LRRFIP1: variants seen among roughly 807,000 people sequenced by gnomAD.
The protein encoded by LRRFIP1 is LRR binding FLII interacting protein 1, also known as leucine-rich repeat flightless-interacting protein 1.
A neutral mutation model predicts 104.4 loss-of-function variants in LRRFIP1; 62 were observed. The ratio of observed to expected loss-of-function variants is 0.59; its 90% CI spans 0.48 to 0.73. LRRFIP1 has a LOEUF of 0.73. Among genes scored for constraint, LRRFIP1 ranks in the 30% least tolerant of loss-of-function variants. The pLI, the probability that LRRFIP1 is intolerant of heterozygous loss-of-function variation, is 0.00. For synonymous variants in LRRFIP1, 300 were observed against 299.0 expected, an observed-to-expected ratio of 1.00 and a Z score of -0.03; for missense variants, 796 against 824.5, an observed-to-expected ratio of 0.97 and a Z score of 0.42.
rs562241408 is a variant in LRRFIP1 at position 237,773,263 on chromosome 2, C to T, written c.1707+318C>T. On this transcript the variant is annotated intron_variant, in intron 22 of 23. Coordinates refer to ENST00000308482, the MANE Select transcript of LRRFIP1 (RefSeq NM_001137550.2). ...AAATTAATTTAGTTAATTGGCCGAG[C>T]GCAGTGGCTCACACCTGTAATCCCA... Among the ~76,000 whole-genome samples, 6 of 152,262 alleles carry T rather than the reference C, an allele frequency of 3.9e-5. No individual in the cohort carries two copies. In the East Asian group the frequency reaches 5.8e-4, roughly 15 times the overall value.
chr2:237,763,018 A>G lies in LRRFIP1; in HGVS notation c.1459+2813A>G, dbSNP rs748651573. ...CAGTGACTCAGGTTGAAGAGCAGGCAGGCACAGTGGCCTCGTGTCCTTTAG... is the reference window on the plus strand; with the variant it reads ...CAGTGACTCAGGTTGAAGAGCAGGCGGGCACAGTGGCCTCGTGTCCTTTAG... On this transcript the variant is annotated intron_variant, in intron 19 of 23. Coordinates refer to ENST00000308482, the MANE Select transcript of LRRFIP1 (RefSeq NM_001137550.2). 6.8e-6 allele frequency: 11 copies of G among 1,614,112 alleles called. No homozygotes were observed. In the African/African-American group the frequency reaches 1.2e-4, roughly 18 times the overall value.
rs373844308 is a variant in LRRFIP1, at chr2:237,756,077, T to C, written c.1039-18T>C. On this transcript the variant is annotated intron_variant, in intron 15 of 23. Transcript: ENST00000308482. ...ACATGGGATTCCACTGCTTTAGTGC[T>C]GTTTTTCTCCTTTACAGGAATTTGA... 2.7e-5 allele frequency: 43 copies of C among 1,579,918 alleles called. 1 individual carries two copies. Among genetic ancestry groups the C allele is most frequent in the Middle Eastern group, 1.7e-4 (1 of 6,006 alleles).
intron 15 of LRRFIP1, 88 bp from the exon 16 acceptor site, chr2:237,756,007 C>A: frequency 1.3e-6 from 1 of 764,434 alleles, no homozygotes; most frequent in Non-Finnish European, 2.2e-6. Flanking sequence ...GTGATTTGTT[C>A]CACAGAAACT....
At chr2:237,705,012 G>A (rs1312851216) in intron 1 of LRRFIP1, among the ~76,000 whole-genome samples, 1 of 152,154 alleles carries the variant, frequency 6.6e-6, no homozygotes, top group Admixed American at 6.5e-5. Context: ...TTTCCTGGGT[G>A]GAGGGCAGAC....
At chr2:237,665,430 T>C (rs1478266609) in intron 1 of LRRFIP1, among the ~76,000 whole-genome samples, 1 of 152,222 alleles carries the variant, frequency 6.6e-6, no homozygotes, top group Non-Finnish European at 1.5e-5. Context: ...AAAGTCAGGG[T>C]TGGAATCCAC....
intron 13 of LRRFIP1, among the ~76,000 whole-genome samples, chr2:237,750,589 G>A (rs1031228387): frequency 3.9e-5 from 6 of 152,108 alleles, no homozygotes; most frequent in African/African-American, 1.4e-4. Context: ...CACCCACTCG[G>A]CCTCCCAAAG....
intron 10 of LRRFIP1, 125 bp from the exon 11 acceptor site, chr2:237,739,107 C>T: frequency 5.6e-6 from 4 of 718,262 alleles, no homozygotes; most frequent in South Asian, 1.7e-5. Context: ...CTTTTCCTTG[C>T]CGTGCGTGGC....
intron 3 of LRRFIP1, among the ~76,000 whole-genome samples, chr2:237,716,064 G>C (rs1338723044): frequency 6.6e-6 from 1 of 152,224 alleles, no homozygotes; most frequent in Non-Finnish European, 1.5e-5. Flanking sequence ...AAAACTGACA[G>C]TACAGATTCT....
At chr2:237,628,980 A>C (rs926860667) in intron 1 of LRRFIP1, among the ~76,000 whole-genome samples, 7 of 152,220 alleles carry the variant, frequency 4.6e-5, no homozygotes, top group African/African-American at 1.4e-4. Flanking sequence ...GAGACCTTCC[A>C]GACTCAGCCC....
At chr2:237,680,144 A>G (rs1248679005) in intron 1 of LRRFIP1, among the ~76,000 whole-genome samples, 1 of 152,278 alleles carries the variant, frequency 6.6e-6, no homozygotes, top group East Asian at 1.9e-4. Context: ...TGGGTTCCAC[A>G]TTCATGGATT....
chr2:237,657,412 A>G (rs150858812), intron 1 of LRRFIP1, among the ~76,000 whole-genome samples: 13 of 152,206 alleles, frequency 8.5e-5, no homozygotes, highest in African/African-American at 2.9e-4. Flanking sequence ...AAACATAGAG[A>G]TAGTACAGTC....
At chr2:237,715,925 A>C (rs976444945) in intron 3 of LRRFIP1, among the ~76,000 whole-genome samples, 2 of 152,244 alleles carry the variant, frequency 1.3e-5, no homozygotes, top group Non-Finnish European at 2.9e-5. Context: ...ATGGAAATGC[A>C]GTTACAGTAG....
At chr2:237,708,078 C>T (rs931777390) in intron 1 of LRRFIP1, among the ~76,000 whole-genome samples, 4 of 152,160 alleles carry the variant, frequency 2.6e-5, no homozygotes, top group Non-Finnish European at 5.9e-5. Flanking sequence ...CTCTGTAAAG[C>T]GAGGGGTTGA....
intron 1 of LRRFIP1, among the ~76,000 whole-genome samples, chr2:237,678,580 ACT>A (rs1345757643): frequency 6.6e-6 from 1 of 152,082 alleles, no homozygotes; most frequent in African/African-American, 2.4e-5. Flanking sequence ...AGGTCAGCTC[ACT>A]GCAACTTCTG....
At chr2:237,635,197 C>T (rs753267495) in intron 1 of LRRFIP1, among the ~76,000 whole-genome samples, 1 of 152,172 alleles carries the variant, frequency 6.6e-6, no homozygotes, top group Non-Finnish European at 1.5e-5. Flanking sequence ...TACATTCATA[C>T]TTGATTGATA....
chr2:237,779,578 T>A lies in LRRFIP1; in HGVS notation c.*46T>A, dbSNP rs779115721. The A allele has an allele frequency of 4.7e-6, 7 of 1,486,288 alleles. No homozygotes were observed. Among genetic ancestry groups the A allele is most frequent in the Non-Finnish European group, 6.6e-6 (7 of 1,067,098 alleles). 92.1% of individuals were successfully genotyped at this position (1,486,288 alleles called of 1,614,324 possible). A position where few individuals can be genotyped will look rare whatever the true frequency, so the allele number is the denominator to read the frequency against. On this transcript the variant is annotated 3_prime_UTR_variant, in exon 24 of 24. Coordinates refer to ENST00000308482, the MANE Select transcript of LRRFIP1 (RefSeq NM_001137550.2). ...ACTGGTTGGTGACTGGAGAGCATTGTTTCATAGGCTTTTCTCTGTCCTATC... is the reference window on the plus strand; with the variant it reads ...ACTGGTTGGTGACTGGAGAGCATTGATTCATAGGCTTTTCTCTGTCCTATC...
intron 13 of LRRFIP1, 95 bp downstream of exon 13, chr2:237,749,419 G>C: frequency 1.4e-6 from 2 of 1,446,438 alleles, no homozygotes; most frequent in Non-Finnish European, 1.9e-6. Flanking sequence ...TAAAGTTCTG[G>C]ATCTTTCTTC....
chr2:237,734,765 G>A (rs553421092), intron 9 of LRRFIP1, among the ~76,000 whole-genome samples: 12 of 152,312 alleles, frequency 7.9e-5, no homozygotes, highest in African/African-American at 2.9e-4. Context: ...GATTAATTAA[G>A]TAGCATTTTC....
At chr2:237,702,867 C>G (rs1256764406) in intron 1 of LRRFIP1, among the ~76,000 whole-genome samples, 2 of 152,094 alleles carry the variant, frequency 1.3e-5, no homozygotes, top group Admixed American at 1.3e-4. Flanking sequence ...TACCCAGCCT[C>G]AACAATTGTT....
Sources: gnomAD v4.1 joint callset for allele counts (sites outside exome capture counted in the v4.1 genomes callset) on GRCh38, gnomAD v4.1.1 for gene constraint, MANE v1.5 for transcripts, NCBI Gene and HGNC (gene_info 2026-07-23, HGNC 2026-07-21) for gene names.